Variants in RFWD3 observed in about 807,000 individuals in gnomAD.
RFWD3 encodes ring finger and WD repeat domain 3, also known as E3 ubiquitin-protein ligase RFWD3.
RFWD3 carries 65 observed loss-of-function variants against 87.7 expected under a neutral mutation model. The observed-to-expected ratio is 0.74, with a 90% CI of 0.61 to 0.91. The LOEUF is 0.91. RFWD3 is among the 40% of genes least tolerant of loss of function. The probability of loss-of-function intolerance (pLI) is 0.00; values close to 1 mark genes in which losing one functional copy is unlikely to be tolerated. For synonymous variants in RFWD3, 433 were observed against 352.8 expected, an observed-to-expected ratio of 1.23 and a Z score of -2.55; for missense variants, 1,078 against 938.5, an observed-to-expected ratio of 1.15 and a Z score of -1.94.
rs1280575540 is a variant in RFWD3 at position 74,623,861 on chromosome 16, T to C, written c.*67A>G. ...GCAGACAATAAACAGGGATCTTGCT[T>C]GGGGCTGCTAGGCGCTAGCAAACAA... On this transcript the variant is annotated 3_prime_UTR_variant, in exon 13 of 13. Coordinates refer to ENST00000361070, the MANE Select transcript of RFWD3 (RefSeq NM_018124.4). 2 of 1,540,842 alleles carry C rather than the reference T, an allele frequency of 1.3e-6. No homozygotes were observed. Among genetic ancestry groups the C allele is most frequent in the Non-Finnish European group, 1.8e-6 (2 of 1,122,352 alleles).
At chr16:74,636,658 G>T in intron 7 of RFWD3, 81 bp from the exon 8 acceptor site, 1 of 1,075,678 alleles carries the variant, frequency 9.3e-7, no homozygotes, top group Non-Finnish European at 1.3e-6. Context: ...TCTTTTACAG[G>T]AAGATTTTTT....
intron 1 of RFWD3, among the ~76,000 whole-genome samples, 192 bp from the exon 2 acceptor site, chr16:74,661,643 A>G (rs886143111): frequency 2.6e-5 from 4 of 152,178 alleles, no homozygotes; most frequent in Non-Finnish European, 5.9e-5. Context: ...TATAACAAGC[A>G]TTTATAACCA....
chr16:74,640,842 G>C (rs1048319881), intron 6 of RFWD3, among the ~76,000 whole-genome samples: 1 of 151,982 alleles, frequency 6.6e-6, no homozygotes, highest in African/African-American at 2.4e-5. Context: ...GTAAGGCTGA[G>C]GCAGGAGAAT....
chr16:74,661,030 TGAA>T lies in RFWD3; in HGVS notation c.417_419del (p.Ser142del), dbSNP rs752201775. 6.8e-6 allele frequency: 11 copies of T among 1,614,210 alleles called. No homozygotes were observed. In the South Asian group the frequency reaches 1.1e-4, roughly 16 times the overall value. ...TTGGCCCTACACTGTGGTTTGAAGATGAAGGTCTCAGGAATTCCAGCATGCCAT... is the reference window on the plus strand; with the variant it reads ...TTGGCCCTACACTGTGGTTTGAAGATGGTCTCAGGAATTCCAGCATGCCAT... On this transcript the variant is annotated inframe_deletion, in exon 2 of 13. Transcript: ENST00000361070.
chr16:74,644,214 G>A (rs569471829), intron 6 of RFWD3, 148 bp downstream of exon 6: 1 of 760,506 alleles, frequency 1.3e-6, no homozygotes. Context: ...ATAAATAACA[G>A]TGTAAGACAG....
intron 2 of RFWD3, chr16:74,660,595 C>A: frequency 4.5e-6 from 1 of 222,034 alleles, no homozygotes; most frequent in Non-Finnish European, 8.9e-6. Flanking sequence ...TTAATTGTGC[C>A]CCCAGGTGGA....
chr16:74,644,499 C>T (rs1316097204), intron 5 of RFWD3, 42 bp downstream of exon 5: 1 of 1,613,956 alleles, frequency 6.2e-7, no homozygotes, highest in African/African-American at 1.3e-5. Flanking sequence ...TAGGAATCTG[C>T]CTGACTTAAC....
At chr16:74,653,697 G>A (rs1487579328) in intron 2 of RFWD3, among the ~76,000 whole-genome samples, 1 of 152,034 alleles carries the variant, frequency 6.6e-6, no homozygotes, top group Non-Finnish European at 1.5e-5. Context: ...ACTGACAGGT[G>A]ACCTACTAGA....
intron 6 of RFWD3, among the ~76,000 whole-genome samples, chr16:74,641,674 C>G (rs1005157238): frequency 6.6e-6 from 1 of 151,932 alleles, no homozygotes; most frequent in African/African-American, 2.4e-5. Context: ...CCTGTAATCT[C>G]AGCACTTTGG....
At chr16:74,632,794 T>C (rs2144082641) in intron 8 of RFWD3, 121 bp from the exon 9 acceptor site, 2 of 844,572 alleles carry the variant, frequency 2.4e-6, no homozygotes, top group African/African-American at 1.7e-5. Context: ...GGGAACCAGC[T>C]GGTCAAACAA....
intron 1 of RFWD3, 156 bp downstream of exon 1, chr16:74,666,630 C>A (rs1185910918): frequency 6.6e-6 from 1 of 152,336 alleles, no homozygotes. Flanking sequence ...GGCGCCGCCC[C>A]GAGGGCCCGA....
intron 2 of RFWD3, among the ~76,000 whole-genome samples, chr16:74,659,124 T>C (rs1961230126): frequency 6.6e-6 from 1 of 152,160 alleles, no homozygotes; most frequent in Admixed American, 6.5e-5. Context: ...CTGTTTTTCT[T>C]TGTAAGTTGG....
Position 74,660,577 on chromosome 16 carries a change from A to G in RFWD3, c.518+355T>C, listed in dbSNP as rs143501341. On this transcript the variant is annotated intron_variant, in intron 2 of 12. Coordinates refer to ENST00000361070, the MANE Select transcript of RFWD3 (RefSeq NM_018124.4). Reference sequence around the variant, plus strand: ...CAAGTTCAAACCAAGACTATGAAAGAAAATTAATTAATTGTGCCCCCAGGT... The same window carrying G: ...CAAGTTCAAACCAAGACTATGAAAGGAAATTAATTAATTGTGCCCCCAGGT... 5.5e-3 allele frequency: 1,143 copies of G among 209,392 alleles called. 15 individuals carry two copies. Among genetic ancestry groups the G allele is most frequent in the African/African-American group, 0.025 (1,066 of 43,096 alleles). The allele number at this position is 209,392 out of a possible 1,614,324, so 13.0% of individuals were successfully genotyped here.
chr16:74,651,841 A>T (rs1248285345), intron 3 of RFWD3, 79 bp downstream of exon 3: 1 of 1,288,064 alleles, frequency 7.8e-7, no homozygotes, highest in Admixed American at 1.9e-5. Flanking sequence ...GTCAAAGCAC[A>T]AATCTAGTTT....
At chr16:74,663,119 T>C (rs559200307) in intron 1 of RFWD3, among the ~76,000 whole-genome samples, 1 of 152,174 alleles carries the variant, frequency 6.6e-6, no homozygotes, top group East Asian at 1.9e-4. Context: ...TTAGCCAGGA[T>C]GGTCTCGATC....
intron 2 of RFWD3, among the ~76,000 whole-genome samples, chr16:74,659,225 T>C (rs888152364): frequency 1.3e-5 from 2 of 152,112 alleles, no homozygotes; most frequent in African/African-American, 4.8e-5. Flanking sequence ...CCAACAAGAA[T>C]GAGTGCATGG....
rs776941268 is a variant in RFWD3 at position 74,621,632 on chromosome 16, G to T, written c.*2296C>A. ...GACTGGTGGAGCCCAGAAGACTAAA[G>T]CCTGGATTTATAAATGTGATGTCCT... On this transcript the variant is annotated 3_prime_UTR_variant, in exon 13 of 13. Coordinates refer to ENST00000361070, the MANE Select transcript of RFWD3 (RefSeq NM_018124.4). The T allele has an allele frequency of 6.6e-6, 1 of 152,084 alleles. No individual in the cohort carries two copies. Among genetic ancestry groups the T allele is most frequent in the Non-Finnish European group, 1.5e-5 (1 of 68,022 alleles). 9.4% of individuals were successfully genotyped at this position (152,084 alleles called of 1,614,324 possible).
intron 3 of RFWD3, among the ~76,000 whole-genome samples, chr16:74,651,015 T>C (rs1009362797): frequency 3.9e-5 from 6 of 152,106 alleles, no homozygotes; most frequent in African/African-American, 1.4e-4. Flanking sequence ...GAGTAATTAG[T>C]TGGGGTTCTA....
chr16:74,635,404 T>C (rs1343638226), intron 8 of RFWD3, among the ~76,000 whole-genome samples: 3 of 151,430 alleles, frequency 2.0e-5, no homozygotes, highest in Non-Finnish European at 4.4e-5. Flanking sequence ...GAGGCAGAGG[T>C]TGCAGTGAGC....
Sources: gnomAD v4.1 joint callset for allele counts (sites outside exome capture counted in the v4.1 genomes callset) on GRCh38, gnomAD v4.1.1 for gene constraint, MANE v1.5 for transcripts, NCBI Gene and HGNC (gene_info 2026-07-23, HGNC 2026-07-21) for gene names.